The following COL14A1 variants were observed in gnomAD, a reference collection of about 807,000 sequenced individuals.
COL14A1 encodes the protein collagen type XIV alpha 1 chain, also known as collagen alpha-1(XIV) chain.
In COL14A1, 136 loss-of-function variants were observed where a neutral mutation model predicts 230.3. The ratio of observed to expected loss-of-function variants is 0.59; its 90% confidence interval spans 0.51 to 0.68. COL14A1 has a LOEUF of 0.68. Among genes scored for constraint, COL14A1 ranks in the 30% least tolerant of loss-of-function variants. The probability of loss-of-function intolerance (pLI) is 0.00; values close to 1 mark genes in which losing one functional copy is unlikely to be tolerated. For missense variants in COL14A1, 1,976 were observed against 2,215.8 expected, an observed-to-expected ratio of 0.89 and a Z score of 2.17; for synonymous variants, 792 against 784.1, an observed-to-expected ratio of 1.01 and a Z score of -0.17.
chr8:120,138,594 C>G (rs553030229), intron 1 of COL14A1, among the ~76,000 whole-genome samples: 39 of 152,254 alleles, frequency 2.6e-4, no homozygotes, highest in Admixed American at 1.6e-3. Context: ...TAAACTAGGT[C>G]TTCTTTATTC....
At chr8:120,274,980 T>C (rs1819792931) in intron 26 of COL14A1, among the ~76,000 whole-genome samples, 1 of 82,898 alleles carries the variant, frequency 1.2e-5, no homozygotes, top group Non-Finnish European at 2.3e-5. Flanking sequence ...TTTCACAGAA[T>C]TAGAAAAAAA....
At chr8:120,186,410 G>A (rs1218976561) in intron 5 of COL14A1, among the ~76,000 whole-genome samples, 1 of 152,184 alleles carries the variant, frequency 6.6e-6, no homozygotes, top group East Asian at 1.9e-4. Context: ...AATGTCTTGT[G>A]TAATGAATGG....
At chr8:120,202,934 A>T (rs1817297169) in intron 8 of COL14A1, among the ~76,000 whole-genome samples, 1 of 147,772 alleles carries the variant, frequency 6.8e-6, no homozygotes, top group Non-Finnish European at 1.5e-5. Context: ...ATGTTAAAAA[A>T]TAATTTTCCC....
At chr8:120,343,166 A>G (rs987473307) in intron 44 of COL14A1, among the ~76,000 whole-genome samples, 2 of 152,124 alleles carry the variant, frequency 1.3e-5, no homozygotes, top group African/African-American at 4.8e-5. Flanking sequence ...CTGATTATAT[A>G]TTTTATCACA....
At position 120,183,633 on chromosome 8, in the gene COL14A1, G is replaced by A. The variant is rs553533386; in HGVS notation, c.437-13158G>A. Among the ~76,000 whole-genome samples the A allele has an allele frequency of 3.9e-5, 6 of 152,312 alleles. No individual in the cohort carries two copies. In the East Asian group the frequency reaches 1.2e-3, roughly 29 times the overall value. On this transcript the variant is annotated intron_variant, in intron 5 of 47. Transcript: ENST00000297848. ...AGAGCAGAGGAGAAATGTGATGCAT[G>A]TGGTGTTTACAGGATTGTTAGTTAT...
intron 5 of COL14A1, among the ~76,000 whole-genome samples, chr8:120,171,026 T>C (rs1293844045): frequency 6.6e-6 from 1 of 152,098 alleles, no homozygotes; most frequent in Non-Finnish European, 1.5e-5. Flanking sequence ...TACTATTTAT[T>C]TTGTGCTATT....
At chr8:120,198,941 C>T (rs1378858306) in intron 7 of COL14A1, among the ~76,000 whole-genome samples, 1 of 152,152 alleles carries the variant, frequency 6.6e-6, no homozygotes, top group Non-Finnish European at 1.5e-5. Flanking sequence ...AAGTGTCATG[C>T]TCAAAAGGCA....
chr8:120,183,410 G>A lies in COL14A1; in HGVS notation c.437-13381G>A, dbSNP rs187085848. 3.9e-4 allele frequency among the ~76,000 whole-genome samples: 60 copies of A among 152,302 alleles called. 1 individual carries two copies. Among genetic ancestry groups the A allele is most frequent in the Admixed American group, 3.9e-3 (60 of 15,302 alleles). On this transcript the variant is annotated intron_variant, in intron 5 of 47. Coordinates refer to ENST00000297848, the MANE Select transcript of COL14A1 (RefSeq NM_021110.4). ...GAGCCATTTCTTCAAGGGTTGTCCT[G>A]CATCTGCTGTCATTAACAGAGATTT...
chr8:120,243,838 C>G, intron 19 of COL14A1, 41 bp from the exon 20 acceptor site: 1 of 1,601,882 alleles, frequency 6.2e-7, no homozygotes, highest in South Asian at 1.1e-5. Context: ...TCAGTGGAAA[C>G]GGGTCTCACT....
intron 46 of COL14A1, 107 bp downstream of exon 46, chr8:120,367,355 G>T: frequency 1.1e-6 from 1 of 873,074 alleles, no homozygotes; most frequent in South Asian, 1.8e-5. Flanking sequence ...TAACTTAAAT[G>T]GCTGTATTTC....
chr8:120,141,576 G>T (rs1814910447), intron 1 of COL14A1, among the ~76,000 whole-genome samples: 1 of 152,010 alleles, frequency 6.6e-6, no homozygotes, highest in South Asian at 2.1e-4. Context: ...AAGAAAAAAA[G>T]GGTTTTAAAG....
chr8:120,274,273 G>A (rs1586822628), intron 26 of COL14A1, among the ~76,000 whole-genome samples: 1 of 151,592 alleles, frequency 6.6e-6, no homozygotes, highest in Admixed American at 6.6e-5. Flanking sequence ...ATAAAATCCA[G>A]CATCCCTTTA....
intron 13 of COL14A1, chr8:120,214,124 G>C (rs1328447526): frequency 1.5e-5 from 3 of 199,572 alleles, no homozygotes; most frequent in African/African-American, 7.1e-5. Context: ...CTGACTTTGT[G>C]GGATGAGAGA....
rs1342882905 is a variant in COL14A1 at position 120,262,995 on chromosome 8, G to A, written c.2997G>A (p.Val999=). The part of the protein sequence containing the change: ...TKLQEIEGPS[V]SIMEKTQSLP... ...TCCAGGAGATTGAAGGACCTAGTGT[G>A]AGCATAATGGAAAAAACACGTAAGT... The change falls in exon 24 of 48, where the codon GTG becomes GTA. Residue 999 remains valine (V), a synonymous_variant. Transcript: ENST00000297848. 6.2e-7 allele frequency: 1 copy of A among 1,606,212 alleles called. No individual in the cohort carries two copies. Among genetic ancestry groups the A allele is most frequent in the Non-Finnish European group, 8.5e-7 (1 of 1,177,634 alleles).
Position 120,225,397 on chromosome 8 carries a change from A to G in COL14A1, c.1864+183A>G, listed in dbSNP as rs547384456. ...TATGTGTAGTGGCTAATTATTTTTT[A>G]TCAAAGCAAGGAAGAGAGAGAAAAG... On this transcript the variant is annotated intron_variant, in intron 15 of 47. Transcript: ENST00000297848. Among the ~76,000 whole-genome samples the G allele has an allele frequency of 1.2e-4, 19 of 152,310 alleles. No individual in the cohort carries two copies. The South Asian group carries it at 2.3e-3, about 18-fold the overall frequency.
intron 5 of COL14A1, among the ~76,000 whole-genome samples, chr8:120,186,695 C>T (rs1586747995): frequency 6.6e-6 from 1 of 152,182 alleles, no homozygotes; most frequent in Non-Finnish European, 1.5e-5. Flanking sequence ...GAGGAGAGAA[C>T]ACATTTAATT....
intron 26 of COL14A1, among the ~76,000 whole-genome samples, chr8:120,276,460 A>G (rs576436371): frequency 4.2e-4 from 64 of 150,618 alleles, no homozygotes; most frequent in Non-Finnish European, 8.3e-4. Context: ...CCTTGCCACT[A>G]TACAATTCAA....
intron 13 of COL14A1, among the ~76,000 whole-genome samples, chr8:120,213,270 A>T (rs1308336976): frequency 6.6e-6 from 1 of 152,170 alleles, no homozygotes; most frequent in African/African-American, 2.4e-5. Context: ...TGGCATACTG[A>T]TAATACTTAC....
intron 3 of COL14A1, among the ~76,000 whole-genome samples, 155 bp from the exon 4 acceptor site, chr8:120,162,271 A>C (rs1428641958): frequency 6.6e-6 from 1 of 152,218 alleles, no homozygotes; most frequent in African/African-American, 2.4e-5. Context: ...CATGATGTAC[A>C]CTCTAAATAT....
Sources: gnomAD v4.1 joint callset for allele counts (sites outside exome capture counted in the v4.1 genomes callset) on GRCh38, gnomAD v4.1.1 for gene constraint, MANE v1.5 for transcripts, NCBI Gene and HGNC (gene_info 2026-07-23, HGNC 2026-07-21) for gene names.